Variants in C16orf95 observed in about 807,000 individuals in gnomAD.
The protein encoded by C16orf95 is uncharacterized protein C16orf95.
In C16orf95, 41 loss-of-function variants were observed where a neutral mutation model predicts 32.1. The ratio of observed to expected loss-of-function variants is 1.28; its 90% confidence interval spans 1.00 to 1.66. The LOEUF (loss-of-function observed/expected upper bound fraction) is 1.66, where lower values mean the gene tolerates loss of function less well. Ranked by LOEUF, C16orf95 falls within the 40% of genes most tolerant of loss-of-function variation. The pLI, the probability that C16orf95 is intolerant of heterozygous loss-of-function variation, is 0.00. For missense variants in C16orf95, 399 were observed against 325.9 expected (o/e 1.22, Z -1.73); for synonymous variants, 147 against 128.9 (o/e 1.14, Z -0.95).
chr16:87,311,171 C>T lies in C16orf95; in HGVS notation c.456G>A (p.Gln152=), dbSNP rs1263582601. The T allele has an allele frequency of 6.5e-7, 1 of 1,533,686 alleles. No homozygotes were observed. Among genetic ancestry groups the T allele is most frequent in the Non-Finnish European group, 8.7e-7 (1 of 1,145,100 alleles). The change falls in exon 4 of 7, where the codon CAG becomes CAA. Residue 152 remains glutamine (Q), a synonymous_variant. Transcript: ENST00000567970. ...DQAVMPYWVP[Q]VLRSQQQIVR... is the part of the protein sequence containing the mutation. ...TTACCTGCTGCTGAGACCTCAGGAC[C>T]TGGGGCACCCAGTAGGGCATCACTG... is the stretch of plus-strand genomic sequence containing the variant.
chr16:87,311,109 T>C, intron 4 of C16orf95, 41 bp downstream of exon 4: 1 of 1,418,960 alleles, frequency 7.0e-7, no homozygotes, highest in South Asian at 1.4e-5. Flanking sequence ...GGCCCCCACC[T>C]CACTCTTCAG....
intron 5 of C16orf95, among the ~76,000 whole-genome samples, chr16:87,307,695 T>G (rs1168693279): frequency 6.6e-6 from 1 of 152,134 alleles, no homozygotes; most frequent in African/African-American, 2.4e-5. Context: ...GAGGCAGAGC[T>G]TGCAGTGAGC....
chr16:87,317,185 T>C lies in C16orf95; in HGVS notation c.58A>G (p.Thr20Ala). The C allele has an allele frequency of 6.5e-7, 1 of 1,530,996 alleles. No homozygotes were observed. Among genetic ancestry groups the C allele is most frequent in the Non-Finnish European group, 8.7e-7 (1 of 1,144,814 alleles). 94.8% of individuals were successfully genotyped at this position (1,530,996 alleles called of 1,614,324 possible). A position where few individuals can be genotyped will look rare whatever the true frequency, so the allele number is the denominator to read the frequency against. Residue 20 changes from threonine (T) to alanine (A), a missense_variant, in exon 1 of 7, where the codon ACT becomes GCT. Transcript: ENST00000567970. ...PRRCHHHHEA[T>A]GAASGAAAGG... ...GCAGCAGCGCCTGAGGCTGCTCCAG[T>C]GGCCTCATGATGATGGTGACAACGC...
intron 3 of C16orf95, among the ~76,000 whole-genome samples, chr16:87,314,493 G>C (rs1597347504): frequency 6.6e-6 from 1 of 152,208 alleles, no homozygotes; most frequent in Non-Finnish European, 1.5e-5. Flanking sequence ...GTCAGTGGTT[G>C]CCTGGGGATG....
intron 3 of C16orf95, among the ~76,000 whole-genome samples, chr16:87,314,497 G>A (rs993838281): frequency 6.6e-6 from 1 of 152,202 alleles, no homozygotes; most frequent in Non-Finnish European, 1.5e-5. Flanking sequence ...GTGGTTGCCT[G>A]GGGATGTCAG....
chr16:87,316,988 C>G (rs1904366935), intron 1 of C16orf95, 103 bp downstream of exon 1: 3 of 1,388,412 alleles, frequency 2.2e-6, no homozygotes, highest in Non-Finnish European at 2.8e-6. Flanking sequence ...CTGTGGGTGG[C>G]GGTCAAGAGT....
At chr16:87,306,076 T>A in intron 5 of C16orf95, 171 bp from the exon 6 acceptor site, 1 of 463,972 alleles carries the variant, frequency 2.2e-6, no homozygotes, top group Non-Finnish European at 3.7e-6. Context: ...AAAGGCCGTC[T>A]TGCGGGTTTA....
rs1415369608 is a variant in C16orf95, at chr16:87,311,333, G to A, written c.331-37C>T. 4 of 1,500,632 alleles carry A rather than the reference G, an allele frequency of 2.7e-6. No individual in the cohort carries two copies. The Admixed American group carries it at 6.0e-5, about 23-fold the overall frequency. 93.0% of individuals were successfully genotyped at this position (1,500,632 alleles called of 1,614,324 possible). A position where few individuals can be genotyped will look rare whatever the true frequency, so the allele number is the denominator to read the frequency against. ...GATGGGAGGAGAAGATTCAGAAGGG[G>A]ATGGAGCCATGCCTGTCCCCAATGA... is the stretch of plus-strand genomic sequence containing the variant. On this transcript the variant is annotated intron_variant, in intron 3 of 6. Transcript: ENST00000567970.
Position 87,305,874 on chromosome 16 carries a change from G to C in C16orf95, c.546C>G (p.Asn182Lys), listed in dbSNP as rs950878106. Residue 182 changes from asparagine (N) to lysine (K), a missense_variant, in exon 6 of 7, where the codon AAC becomes AAG. Physicochemically the swap from Asn to Lys is moderately conservative, Grantham distance 94 (BLOSUM62 0). Coordinates refer to ENST00000567970, the MANE Select transcript of C16orf95 (RefSeq NM_001195124.3). This position sits in a 1 kb window ranked among gnomAD's most constrained non-coding sequence, Gnocchi z 4.2. ...APLLDACCWHNCWRICGDECL... is the reference protein window; with the variant it reads ...APLLDACCWHKCWRICGDECL... Reference sequence around the variant, plus strand: ...ACTCATCACCGCAGATCCGCCAGCAGTTGTGCCAGCAGCATGCATCCAGCA... The same window carrying C: ...ACTCATCACCGCAGATCCGCCAGCACTTGTGCCAGCAGCATGCATCCAGCA... 3 of 1,443,256 alleles carry C rather than the reference G, an allele frequency of 2.1e-6. No homozygotes were observed. Among genetic ancestry groups the C allele is most frequent in the East Asian group, 2.8e-5 (1 of 36,036 alleles). The allele number at this position is 1,443,256 out of a possible 1,614,324, so 89.4% of individuals were successfully genotyped here.
rs1049226939 is a variant in C16orf95, at chr16:87,305,937, G to A, written c.515-32C>T. The A allele has an allele frequency of 1.8e-5, 25 of 1,386,940 alleles. No homozygotes were observed. In the East Asian group the frequency reaches 6.0e-4, roughly 33 times the overall value. 85.9% of individuals were successfully genotyped at this position (1,386,940 alleles called of 1,614,324 possible). On this transcript the variant is annotated intron_variant, in intron 5 of 6. Coordinates refer to ENST00000567970, the MANE Select transcript of C16orf95 (RefSeq NM_001195124.3). This position sits in a 1 kb window ranked among gnomAD's most constrained non-coding sequence, Gnocchi z 4.2. Reference sequence around the variant, plus strand: ...AAAGAAAAGGTGGGTTGAGGACAGGGCGTGTTCTCCGGGACTCTGTGAGCC... The same window carrying A: ...AAAGAAAAGGTGGGTTGAGGACAGGACGTGTTCTCCGGGACTCTGTGAGCC...
chr16:87,308,970 T>A (rs1045966591), intron 5 of C16orf95, among the ~76,000 whole-genome samples: 1 of 152,242 alleles, frequency 6.6e-6, no homozygotes, highest in Non-Finnish European at 1.5e-5. Flanking sequence ...ACACGATGAA[T>A]GTTTTTTCTC....
chr16:87,309,049 A>G (rs1403391259), intron 5 of C16orf95, among the ~76,000 whole-genome samples: 2 of 152,166 alleles, frequency 1.3e-5, no homozygotes, highest in Non-Finnish European at 2.9e-5. Context: ...TTCTTAAATG[A>G]GTCACCCATC....
At chr16:87,312,559 A>AC (rs1178404353) in intron 3 of C16orf95, among the ~76,000 whole-genome samples, 1 of 123,040 alleles carries the variant, frequency 8.1e-6, no homozygotes, top group East Asian at 2.2e-4. Flanking sequence ...GCAGAGTGAG[A>AC]CTCCATCTCA....
chr16:87,309,185 G>T (rs200896194), intron 5 of C16orf95, among the ~76,000 whole-genome samples: 3 of 151,972 alleles, frequency 2.0e-5, no homozygotes, highest in South Asian at 4.2e-4. Flanking sequence ...TTTTAGCAGA[G>T]TTCATGCTGC....
chr16:87,314,293 T>C (rs776729363), intron 3 of C16orf95, among the ~76,000 whole-genome samples: 1 of 152,190 alleles, frequency 6.6e-6, no homozygotes, highest in Admixed American at 6.5e-5. Context: ...ATGAATAAAC[T>C]GTGGCCTATT....
Position 87,317,305 on chromosome 16 carries a change from G to C in C16orf95, c.-63C>G. ...ATCGTCCGCAGGCCCTGACGCCCTG[G>C]CTCCCGCCTTTCCCTCCTGCCCCAG... On this transcript the variant is annotated 5_prime_UTR_variant, in exon 1 of 7. Transcript: ENST00000567970. 6.9e-7 allele frequency: 1 copy of C among 1,450,686 alleles called. No homozygotes were observed. The highest frequency in any genetic ancestry group is 1.8e-4 in the Middle Eastern group (1 of 5,612). 89.9% of individuals were successfully genotyped at this position (1,450,686 alleles called of 1,614,324 possible).
At chr16:87,303,992 T>G (rs940997830) in intron 6 of C16orf95, among the ~76,000 whole-genome samples, 1 of 152,178 alleles carries the variant, frequency 6.6e-6, no homozygotes, top group Non-Finnish European at 1.5e-5. Context: ...CCCCTGACCA[T>G]CTACTTAACA....
At chr16:87,316,654 G>A (rs566762183) in intron 1 of C16orf95, among the ~76,000 whole-genome samples, 2 of 152,206 alleles carry the variant, frequency 1.3e-5, no homozygotes, top group African/African-American at 4.8e-5. Flanking sequence ...TGGGGAGGGG[G>A]GGGGCCACAG....
chr16:87,305,578 C>A lies in C16orf95; in HGVS notation c.701+141G>T. ...GCTGTGCAGAGCACCACAGGACACA[C>A]TCACAGTGCCGGGCCTTGGACGCCT... On this transcript the variant is annotated intron_variant, in intron 6 of 6. Transcript: ENST00000567970. The surrounding 1 kb of genome is among the most constrained non-coding windows in gnomAD (Gnocchi z 4.2). 1.6e-6 allele frequency: 1 copy of A among 625,132 alleles called. No homozygotes were observed. Among genetic ancestry groups the A allele is most frequent in the Non-Finnish European group, 2.5e-6 (1 of 399,788 alleles). The allele number at this position is 625,132 out of a possible 1,614,324, so 38.7% of individuals were successfully genotyped here. A position where few individuals can be genotyped will look rare whatever the true frequency, so the allele number is the denominator to read the frequency against.
Sources: gnomAD v4.1 joint callset for allele counts (sites outside exome capture counted in the v4.1 genomes callset) on GRCh38, gnomAD v4.1.1 for gene constraint, Gnocchi (gnomAD v3.1) non-coding constraint, MANE v1.5 for transcripts, NCBI Gene and HGNC (gene_info 2026-07-23, HGNC 2026-07-21) for gene names.